The following PACS2 variants were observed in gnomAD, a reference collection of about 807,000 sequenced individuals.
PACS2 encodes PACS1-like protein.
In PACS2, 36 loss-of-function variants were observed where a neutral mutation model predicts 113.0. The ratio of observed to expected loss-of-function variants is 0.32; its 90% CI spans 0.24 to 0.42. The LOEUF is 0.42. Among genes scored for constraint, PACS2 ranks in the 10% least tolerant of loss-of-function variants. The probability of loss-of-function intolerance (pLI) is 1.00; values close to 1 mark genes in which losing one functional copy is unlikely to be tolerated. For missense variants in PACS2, 1,015 were observed against 1,239.5 expected (o/e 0.82, Z 2.72); for synonymous variants, 589 against 536.1 (o/e 1.10, Z -1.36).
At chr14:105,369,726 G>A (rs1331533651) in intron 7 of PACS2, 115 bp from the exon 8 acceptor site, 1 of 816,632 alleles carries the variant, frequency 1.2e-6, no homozygotes, top group Non-Finnish European at 2.0e-6. Flanking sequence ...CTGGTGCTGA[G>A]GCCTTGCTGC....
intron 1 of PACS2, among the ~76,000 whole-genome samples, chr14:105,303,500 C>T (rs8016996): frequency 0.046 from 6,977 of 152,312 alleles, 538 homozygotes; most frequent in African/African-American, 0.16. Context: ...GTCTCGCCCT[C>T]CCAAAGTGCT....
In PACS2 at chr14:105,335,432, C is replaced by T. The variant is rs587772238; in HGVS notation, c.120-13061C>T. On this transcript the variant is annotated intron_variant, in intron 1 of 24. Transcript: ENST00000447393. ...GGCGTGGCTCTGACGCTGTGGCCGG[C>T]GCCTGGCGTGGCTCTGACGCTGTGG... Among the ~76,000 whole-genome samples, 7 of 151,726 alleles carry T rather than the reference C, an allele frequency of 4.6e-5. No individual in the cohort carries two copies. In the East Asian group the frequency reaches 7.8e-4, roughly 17 times the overall value.
At chr14:105,346,335 C>T (rs587719945) in intron 1 of PACS2, among the ~76,000 whole-genome samples, 7 of 152,146 alleles carry the variant, frequency 4.6e-5, no homozygotes, top group South Asian at 2.1e-4. Context: ...TGGAACAGGC[C>T]GCCCTGTGCA....
Position 105,398,006 on chromosome 14 carries a change from T to G in PACS2, c.*3334T>G, listed in dbSNP as rs1014731785. On this transcript the variant is annotated 3_prime_UTR_variant, in exon 25 of 25. Transcript: ENST00000447393. ...ATTGTGCATTGTTTGGTTTCTAGGA[T>G]GTATGTGTTGCTAGTTTTTTTTAAT... The G allele has an allele frequency of 1.3e-5, 2 of 152,248 alleles. No homozygotes were observed. The highest frequency in any genetic ancestry group is 3.8e-4 in the East Asian group (2 of 5,198). 9.4% of individuals were successfully genotyped at this position (152,248 alleles called of 1,614,324 possible).
chr14:105,381,905 C>A lies in PACS2; in HGVS notation c.1269-9C>A. 1 of 1,550,252 alleles carries A rather than the reference C, an allele frequency of 6.5e-7. No individual in the cohort carries two copies. Among genetic ancestry groups the A allele is most frequent in the South Asian group, 1.2e-5 (1 of 83,810 alleles). On this transcript the variant is annotated splice_polypyrimidine_tract_variant and intron_variant, in intron 12 of 24. Coordinates refer to ENST00000447393, the MANE Select transcript of PACS2 (RefSeq NM_001100913.3). ...CCACAGCCACTTAGCCTGTCCTGGT[C>A]CCCAATAGGTCCGAGGGGAAGCAGG...
At chr14:105,362,436 G>GA (rs1158824274) in intron 4 of PACS2, among the ~76,000 whole-genome samples, 7 of 146,180 alleles carry the variant, frequency 4.8e-5, no homozygotes, top group East Asian at 4.0e-4. Flanking sequence ...AAAAAGAAAA[G>GA]AAAAAAAAAG....
In PACS2 at chr14:105,388,272, C is replaced by A. The variant is rs886140736; in HGVS notation, c.2034-1689C>A. 5.3e-5 allele frequency among the ~76,000 whole-genome samples: 8 copies of A among 152,352 alleles called. No homozygotes were observed. The South Asian group carries it at 1.4e-3, about 28-fold the overall frequency. On this transcript the variant is annotated intron_variant, in intron 19 of 24. Transcript: ENST00000447393. ...GGTGGGTCTTGCCAGCCGCCGTCTC[C>A]TCACACTGGCGCTGCGAAGACAGGG...
At chr14:105,369,741 C>A in intron 7 of PACS2, 100 bp from the exon 8 acceptor site, 1 of 1,012,846 alleles carries the variant, frequency 9.9e-7, no homozygotes, top group Admixed American at 2.1e-5. Flanking sequence ...TGCTGCTCTC[C>A]CACGGCGGGC....
At chr14:105,319,671 C>G (rs185467598) in intron 1 of PACS2, among the ~76,000 whole-genome samples, 2 of 152,090 alleles carry the variant, frequency 1.3e-5, no homozygotes, top group Non-Finnish European at 2.9e-5. Context: ...TTCTTTCTTT[C>G]TCTTGCCTGA....
chr14:105,358,871 C>G lies in PACS2; in HGVS notation c.423+3694C>G, dbSNP rs2060559781. On this transcript the variant is annotated intron_variant, in intron 4 of 24. Coordinates refer to ENST00000447393, the MANE Select transcript of PACS2 (RefSeq NM_001100913.3). The surrounding 1 kb of genome is among the most constrained non-coding windows in gnomAD (Gnocchi z 4.9). ...GCATGCTGGATTCCCTTTAGTTTCT[C>G]TCTATGAGTGTCTGCACAGCCACAG... Among the ~76,000 whole-genome samples, 1 of 152,230 alleles carries G rather than the reference C, an allele frequency of 6.6e-6. No homozygotes were observed. The highest frequency in any genetic ancestry group is 2.1e-4 in the South Asian group (1 of 4,832).
rs943227819 is a variant in PACS2 at position 105,354,826 on chromosome 14, A to G, written c.298-226A>G. Among the ~76,000 whole-genome samples, 1 of 152,138 alleles carries G rather than the reference A, an allele frequency of 6.6e-6. No individual in the cohort carries two copies. Among genetic ancestry groups the G allele is most frequent in the Non-Finnish European group, 1.5e-5 (1 of 68,014 alleles). On this transcript the variant is annotated intron_variant, in intron 3 of 24. Transcript: ENST00000447393. This position sits in a 1 kb window ranked among gnomAD's most constrained non-coding sequence, Gnocchi z 4.2. ...CGTGGCGCGGAGCCCTCAGGGCCTG[A>G]GCTCTGGCGACTGGCTCACTCTTGA...
intron 16 of PACS2, 90 bp from the exon 17 acceptor site, chr14:105,384,263 G>T: frequency 1.4e-6 from 1 of 727,456 alleles, no homozygotes; most frequent in East Asian, 2.7e-5. Context: ...GCACAGGCCT[G>T]GGGTCGGGTG....
chr14:105,327,748 C>T (rs1281916060), intron 1 of PACS2, among the ~76,000 whole-genome samples: 1 of 152,206 alleles, frequency 6.6e-6, no homozygotes, highest in Non-Finnish European at 1.5e-5. Context: ...GACTGTGGCT[C>T]GAGCGGTTCC....
intron 3 of PACS2, among the ~76,000 whole-genome samples, chr14:105,352,977 A>G (rs1255080058): frequency 3.5e-4 from 24 of 68,322 alleles, no homozygotes; most frequent in Non-Finnish European, 3.6e-4. Flanking sequence ...ACCCCTCATC[A>G]CTGTCCCCTG....
chr14:105,300,781 CGCCGCGCGCGCCCGG>C, exon 1 of PACS2: 1 of 465,108 alleles, frequency 2.2e-6, no homozygotes, highest in Non-Finnish European at 3.1e-6. Flanking sequence ...GCCGCAGATT[CGCCGCGCGCGCCCGG>C]GCCGCGCCGC....
chr14:105,381,660 C>T (rs1231079616), intron 12 of PACS2, among the ~76,000 whole-genome samples: 1 of 152,202 alleles, frequency 6.6e-6, no homozygotes, highest in African/African-American at 2.4e-5. Flanking sequence ...TGGCCTGGCT[C>T]GAAGTCTCAC....
At chr14:105,322,171 C>T (rs983538756) in intron 1 of PACS2, among the ~76,000 whole-genome samples, 6 of 151,612 alleles carry the variant, frequency 4.0e-5, no homozygotes, top group African/African-American at 7.3e-5. Flanking sequence ...CTCTCGACCT[C>T]GTGATCCGCC....
chr14:105,351,133 C>T (rs1000395586), intron 2 of PACS2, among the ~76,000 whole-genome samples: 8 of 152,230 alleles, frequency 5.3e-5, no homozygotes, highest in South Asian at 4.1e-4. Flanking sequence ...CACTGTGTCC[C>T]GCGCGCCGGC....
chr14:105,308,372 C>G (rs2058250884), intron 1 of PACS2, among the ~76,000 whole-genome samples: 2 of 151,786 alleles, frequency 1.3e-5, no homozygotes, highest in African/African-American at 4.8e-5. Flanking sequence ...GTCCCAGCTA[C>G]TCGGGAGGCT....
Sources: gnomAD v4.1 joint callset for allele counts (sites outside exome capture counted in the v4.1 genomes callset) on GRCh38, gnomAD v4.1.1 for gene constraint, Gnocchi (gnomAD v3.1) non-coding constraint, MANE v1.5 for transcripts, NCBI Gene and HGNC (gene_info 2026-07-23, HGNC 2026-07-21) for gene names.